Variants in ADAMTSL1 observed in about 807,000 individuals in gnomAD.
ADAMTSL1 encodes ADAMTS-like protein 1.
A neutral mutation model predicts 201.8 loss-of-function variants in ADAMTSL1; 126 were observed. That is an observed-to-expected ratio of 0.62 (90% CI 0.54 to 0.72). ADAMTSL1 has a LOEUF of 0.72. ADAMTSL1 is among the 30% of genes least tolerant of loss of function. ADAMTSL1 has a pLI of 0.00. For synonymous variants in ADAMTSL1, 1,121 were observed against 903.4 expected (o/e 1.24, Z -4.32); for missense variants, 2,679 against 2,277.8 (o/e 1.18, Z -3.59).
At chr9:18,523,196 G>C (rs890818350) in intron 2 of ADAMTSL1, among the ~76,000 whole-genome samples, 1 of 152,200 alleles carries the variant, frequency 6.6e-6, no homozygotes, top group African/African-American at 2.4e-5. Context: ...GGCCAGTGAT[G>C]ATGAGCATTT....
chr9:18,707,094 A>G (rs1832276951), intron 14 of ADAMTSL1, 46 bp downstream of exon 14: 3 of 1,578,618 alleles, frequency 1.9e-6, no homozygotes, highest in Non-Finnish European at 2.6e-6. Context: ...CTTCTTGCTC[A>G]TTTTCTCTCT....
intron 2 of ADAMTSL1, among the ~76,000 whole-genome samples, chr9:18,264,945 T>C (rs1369687709): frequency 1.3e-5 from 2 of 152,162 alleles, no homozygotes; most frequent in Admixed American, 1.3e-4. Flanking sequence ...TGATAGTATG[T>C]TTTAATAATA....
chr9:18,397,352 G>A (rs1817795691), intron 2 of ADAMTSL1, among the ~76,000 whole-genome samples: 1 of 152,014 alleles, frequency 6.6e-6, no homozygotes, highest in African/African-American at 2.4e-5. Flanking sequence ...AGCTTTAAAA[G>A]TACTGTATTT....
chr9:18,364,733 G>C (rs565851637), intron 2 of ADAMTSL1, among the ~76,000 whole-genome samples: 1 of 152,250 alleles, frequency 6.6e-6, no homozygotes, highest in Admixed American at 6.5e-5. Flanking sequence ...TGTACAAGAA[G>C]CATACTAGCT....
intron 23 of ADAMTSL1, among the ~76,000 whole-genome samples, chr9:18,848,677 AC>A (rs1293403082): frequency 2.0e-5 from 3 of 152,196 alleles, no homozygotes; most frequent in Non-Finnish European, 2.9e-5. Flanking sequence ...TTCCTGAAGC[AC>A]CTACTCTAGA....
chr9:18,344,615 C>T (rs1037561359), intron 2 of ADAMTSL1, among the ~76,000 whole-genome samples: 3 of 152,060 alleles, frequency 2.0e-5, no homozygotes, highest in African/African-American at 7.2e-5. Flanking sequence ...AAGTCCAATC[C>T]CAAGTGTGTA....
chr9:18,703,387 G>A (rs1486494166), intron 13 of ADAMTSL1, among the ~76,000 whole-genome samples: 1 of 151,980 alleles, frequency 6.6e-6, no homozygotes, highest in African/African-American at 2.4e-5. Flanking sequence ...TTGTCCATTT[G>A]CACTATCAGA....
In ADAMTSL1 at chr9:18,889,729, C is replaced by A. The variant is rs1023901628; in HGVS notation, c.4624C>A (p.Arg1542=). 6.6e-7 allele frequency: 1 copy of A among 1,511,570 alleles called. No individual in the cohort carries two copies. Among genetic ancestry groups the A allele is most frequent in the Non-Finnish European group, 8.9e-7 (1 of 1,128,176 alleles). The allele number at this position is 1,511,570 out of a possible 1,614,324, so 93.6% of individuals were successfully genotyped here. Reference sequence around the variant, plus strand: ...TGCGGTGCAGCCCATCGCGTGCAACCGGAGAGACTGCCCTTCTCGGTGAGT... The same window carrying A: ...TGCGGTGCAGCCCATCGCGTGCAACAGGAGAGACTGCCCTTCTCGGTGAGT... ...RPAVQPIACN[R]RDCPSRWMVT... Residue 1542 remains arginine, a synonymous_variant, in exon 25 of 29, where the codon CGG becomes AGG. Transcript: ENST00000380548.
intron 1 of ADAMTSL1, among the ~76,000 whole-genome samples, chr9:17,915,078 C>T (rs911365242): frequency 6.6e-5 from 10 of 152,200 alleles, no homozygotes; most frequent in African/African-American, 2.2e-4. Flanking sequence ...AGGTATACTG[C>T]ACATGTTTAA....
intron 28 of ADAMTSL1, chr9:18,907,202 G>C: frequency 2.3e-6 from 1 of 434,142 alleles, no homozygotes; most frequent in South Asian, 2.7e-5. Flanking sequence ...TTCCCCTGCA[G>C]TCAGTCTGGC....
At chr9:18,705,894 A>C (rs1452925314) in intron 13 of ADAMTSL1, among the ~76,000 whole-genome samples, 2 of 152,240 alleles carry the variant, frequency 1.3e-5, no homozygotes, top group African/African-American at 4.8e-5. Context: ...AGGAGGCACA[A>C]GTGATGGAGT....
intron 2 of ADAMTSL1, among the ~76,000 whole-genome samples, chr9:18,230,749 T>G (rs1302287306): frequency 6.6e-6 from 1 of 152,190 alleles, no homozygotes; most frequent in East Asian, 1.9e-4. Flanking sequence ...TATAATTAAT[T>G]AATTAATTAC....
intron 1 of ADAMTSL1, among the ~76,000 whole-genome samples, chr9:17,967,194 C>A (rs188455201): frequency 6.6e-6 from 1 of 152,210 alleles, no homozygotes; most frequent in African/African-American, 2.4e-5. Context: ...TACCCGTACA[C>A]ATTCATTCTT....
At chr9:18,326,508 A>G (rs1326661074) in intron 2 of ADAMTSL1, among the ~76,000 whole-genome samples, 1 of 152,052 alleles carries the variant, frequency 6.6e-6, no homozygotes, top group East Asian at 1.9e-4. Context: ...AAAATAGGTC[A>G]TAGTGTGCTG....
chr9:18,529,879 T>A (rs1236397637), intron 2 of ADAMTSL1, among the ~76,000 whole-genome samples: 1 of 152,192 alleles, frequency 6.6e-6, no homozygotes, highest in Non-Finnish European at 1.5e-5. Flanking sequence ...TACAGGATAT[T>A]CTTTGGAAAT....
At position 18,565,095 on chromosome 9, in the gene ADAMTSL1, T is replaced by A. The variant is rs140376339; in HGVS notation, c.238-8935T>A. On this transcript the variant is annotated intron_variant, in intron 3 of 28. Coordinates refer to ENST00000380548, the MANE Select transcript of ADAMTSL1 (RefSeq NM_001040272.6). ...TTAAAAACTAGCCTGGCAAACCATT[T>A]GTTTTCAGATAACAAGCTATAATAG... Among the ~76,000 whole-genome samples the A allele has an allele frequency of 3.3e-5, 5 of 152,368 alleles. No homozygotes were observed. In the East Asian group the frequency reaches 9.6e-4, roughly 29 times the overall value.
At chr9:18,879,040 C>T (rs571947349) in intron 23 of ADAMTSL1, among the ~76,000 whole-genome samples, 2 of 152,298 alleles carry the variant, frequency 1.3e-5, no homozygotes, top group South Asian at 4.1e-4. Context: ...AAATAACCTT[C>T]ATATATAACA....
chr9:18,896,895 C>T (rs1466376323), intron 26 of ADAMTSL1, among the ~76,000 whole-genome samples: 3 of 152,104 alleles, frequency 2.0e-5, no homozygotes, highest in Non-Finnish European at 4.4e-5. Context: ...CTGCAGGCCC[C>T]ACTTAACATG....
At chr9:18,881,456 A>G (rs1001545701) in intron 23 of ADAMTSL1, among the ~76,000 whole-genome samples, 1 of 152,214 alleles carries the variant, frequency 6.6e-6, no homozygotes, top group African/African-American at 2.4e-5. Context: ...AGAGGAAGCA[A>G]GATGGGCAAA....
Sources: gnomAD v4.1 joint callset for allele counts (sites outside exome capture counted in the v4.1 genomes callset) on GRCh38, gnomAD v4.1.1 for gene constraint, MANE v1.5 for transcripts, NCBI Gene and HGNC (gene_info 2026-07-23, HGNC 2026-07-21) for gene names.